PPFIA2: variants seen among roughly 807,000 people sequenced by gnomAD.
The protein encoded by PPFIA2 is liprin-alpha-2.
Under a neutral mutation model 175.5 loss-of-function variants are expected in PPFIA2, and 46 were observed. The ratio of observed to expected loss-of-function variants is 0.26; its 90% CI spans 0.21 to 0.34. The LOEUF (loss-of-function observed/expected upper bound fraction) is 0.34, where lower values mean the gene tolerates loss of function less well. Ranked by LOEUF, PPFIA2 falls within the 10% of genes least tolerant of loss-of-function variation. The pLI, the probability that PPFIA2 is intolerant of heterozygous loss-of-function variation, is 1.00. For synonymous variants in PPFIA2, 568 were observed against 511.4 expected (o/e 1.11, Z -1.49); for missense variants, 1,179 against 1,506.1 (o/e 0.78, Z 3.60).
At chr12:81,330,412 C>T (rs1013082407) in intron 21 of PPFIA2, among the ~76,000 whole-genome samples, 1 of 152,012 alleles carries the variant, frequency 6.6e-6, no homozygotes, top group Non-Finnish European at 1.5e-5. Context: ...CTTTGTCTTC[C>T]TTTCCTTCCC....
chr12:81,661,205 C>T (rs1276319192), intron 4 of PPFIA2, among the ~76,000 whole-genome samples: 2 of 152,132 alleles, frequency 1.3e-5, no homozygotes, highest in Non-Finnish European at 2.9e-5. Flanking sequence ...ACAATATTGA[C>T]CTTAAATGTA....
intron 8 of PPFIA2, among the ~76,000 whole-genome samples, chr12:81,386,532 G>A (rs1176139263): frequency 6.6e-6 from 1 of 151,566 alleles, no homozygotes; most frequent in African/African-American, 2.4e-5. Flanking sequence ...AGAGGTGGGC[G>A]GGTTGCTTAA....
At chr12:81,460,693 T>G (rs2054372631) in intron 4 of PPFIA2, among the ~76,000 whole-genome samples, 1 of 152,148 alleles carries the variant, frequency 6.6e-6, no homozygotes, top group Non-Finnish European at 1.5e-5. Context: ...GAACATGAAC[T>G]GAGGCTTACA....
At chr12:81,514,176 C>T (rs925785690) in intron 4 of PPFIA2, among the ~76,000 whole-genome samples, 2 of 151,828 alleles carry the variant, frequency 1.3e-5, no homozygotes, top group Non-Finnish European at 2.9e-5. Context: ...CAAGTTCCCC[C>T]CCTGAACAAA....
intron 22 of PPFIA2, among the ~76,000 whole-genome samples, chr12:81,321,055 C>CAGAGAG (rs376416224): frequency 2.3e-3 from 340 of 148,736 alleles, no homozygotes; most frequent in Admixed American, 7.6e-3. Flanking sequence ...ATAAATAAAA[C>CAGAGAG]AGAGAGAGAG....
At chr12:81,689,911 ATTTCT>A (rs1195966772) in intron 3 of PPFIA2, among the ~76,000 whole-genome samples, 1 of 152,082 alleles carries the variant, frequency 6.6e-6, no homozygotes, top group African/African-American at 2.4e-5. Flanking sequence ...AAGTCTGGAT[ATTTCT>A]TTTGTTTGAG....
At chr12:81,432,228 A>C (rs1229245253) in intron 7 of PPFIA2, among the ~76,000 whole-genome samples, 1 of 152,074 alleles carries the variant, frequency 6.6e-6, no homozygotes, top group Non-Finnish European at 1.5e-5. Context: ...CATCTTCCCA[A>C]ACTGAAATTC....
intron 3 of PPFIA2, among the ~76,000 whole-genome samples, chr12:81,737,371 A>C (rs1293513420): frequency 6.6e-6 from 1 of 151,982 alleles, no homozygotes; most frequent in Non-Finnish European, 1.5e-5. Flanking sequence ...CCTGGATGAC[A>C]GATCTTCCCA....
intron 4 of PPFIA2, among the ~76,000 whole-genome samples, chr12:81,560,601 T>C (rs975646083): frequency 1.3e-5 from 2 of 152,176 alleles, no homozygotes; most frequent in Non-Finnish European, 1.5e-5. Flanking sequence ...AGAGAATACT[T>C]CTTCAGATCT....
intron 3 of PPFIA2, among the ~76,000 whole-genome samples, chr12:81,728,434 T>C (rs1251922093): frequency 6.6e-6 from 1 of 151,476 alleles, no homozygotes; most frequent in Non-Finnish European, 1.5e-5. Flanking sequence ...CAATCATTTA[T>C]GTTTCCAGGT....
At chr12:81,283,410 C>A (rs1467943437) in intron 25 of PPFIA2, among the ~76,000 whole-genome samples, 1 of 151,592 alleles carries the variant, frequency 6.6e-6, no homozygotes. Context: ...AAATCTTATA[C>A]AAAGTAAATT....
intron 9 of PPFIA2, among the ~76,000 whole-genome samples, chr12:81,379,395 GA>G (rs1309628459): frequency 2.0e-5 from 3 of 152,122 alleles, no homozygotes; most frequent in African/African-American, 7.2e-5. Context: ...ACATGTTTCA[GA>G]TAACAGAAAA....
chr12:81,277,020 A>T (rs556228057), intron 28 of PPFIA2, among the ~76,000 whole-genome samples: 1 of 152,322 alleles, frequency 6.6e-6, no homozygotes, highest in Admixed American at 6.5e-5. Context: ...TCTGACAAAA[A>T]TATCTACATG....
intron 8 of PPFIA2, among the ~76,000 whole-genome samples, chr12:81,400,686 G>C (rs2041959384): frequency 6.6e-6 from 1 of 152,162 alleles, no homozygotes; most frequent in African/African-American, 2.4e-5. Context: ...ATAAATGTCA[G>C]ATTCAAAGAG....
intron 3 of PPFIA2, among the ~76,000 whole-genome samples, chr12:81,738,397 T>A (rs1315682909): frequency 2.0e-5 from 3 of 151,752 alleles, no homozygotes; most frequent in African/African-American, 4.8e-5. Flanking sequence ...TGATCCCAGA[T>A]GAAAAGCCAG....
At chr12:81,352,295 C>T (rs931500797) in intron 17 of PPFIA2, among the ~76,000 whole-genome samples, 2 of 151,616 alleles carry the variant, frequency 1.3e-5, no homozygotes, top group Non-Finnish European at 2.9e-5. Context: ...GATCAAGGTT[C>T]CAGCAGGATT....
intron 7 of PPFIA2, among the ~76,000 whole-genome samples, chr12:81,424,668 T>G (rs1382847223): frequency 6.6e-6 from 1 of 152,098 alleles, no homozygotes; most frequent in Non-Finnish European, 1.5e-5. Context: ...CAGCTTAGAG[T>G]GATGTGAGAC....
At chr12:81,375,696 C>G in intron 10 of PPFIA2, 100 bp downstream of exon 10, 1 of 1,218,854 alleles carries the variant, frequency 8.2e-7, no homozygotes, top group Non-Finnish European at 1.2e-6. Flanking sequence ...AGAATGATTA[C>G]TCAAACATCT....
chr12:81,753,309 A>G (rs2084125580), intron 3 of PPFIA2, among the ~76,000 whole-genome samples: 1 of 144,182 alleles, frequency 6.9e-6, no homozygotes, highest in Non-Finnish European at 1.6e-5. Flanking sequence ...TTCTTAAAAT[A>G]TCTTAGGATT....
Sources: gnomAD v4.1 joint callset for allele counts (sites outside exome capture counted in the v4.1 genomes callset) on GRCh38, gnomAD v4.1.1 for gene constraint, MANE v1.5 for transcripts, NCBI Gene and HGNC (gene_info 2026-07-23, HGNC 2026-07-21) for gene names.